The following PPM1A variants were observed in gnomAD, a reference collection of about 807,000 sequenced individuals.
The protein encoded by PPM1A is protein phosphatase 1A.
In PPM1A, 7 loss-of-function variants were observed where a neutral mutation model predicts 35.0. That is an observed-to-expected ratio of 0.20 (90% CI 0.11 to 0.38). The LOEUF (loss-of-function observed/expected upper bound fraction) is 0.38. Ranked by LOEUF, PPM1A falls within the 10% of genes least tolerant of loss-of-function variation. PPM1A has a pLI of 1.00. For missense variants in PPM1A, 239 were observed against 467.8 expected (o/e 0.51, Z 4.51); for synonymous variants, 153 against 167.3 (o/e 0.91, Z 0.66).
chr14:60,285,445 G>T (rs1886898885), intron 2 of PPM1A, among the ~76,000 whole-genome samples, 179 bp from the exon 3 acceptor site: 1 of 149,714 alleles, frequency 6.7e-6, no homozygotes, highest in South Asian at 2.1e-4. Flanking sequence ...ACTGTTCGGG[G>T]GAGGGGGAGT....
At chr14:60,246,071 G>T, upstream of PPM1A, 1 of 1,549,400 alleles carries the variant, frequency 6.5e-7, no homozygotes, top group Non-Finnish European at 8.7e-7. Flanking sequence ...AGGAATTGTT[G>T]AACCTATGTT....
intron 1 of PPM1A, among the ~76,000 whole-genome samples, chr14:60,280,937 G>C (rs2139520317): frequency 6.6e-6 from 1 of 152,262 alleles, no homozygotes; most frequent in South Asian, 2.1e-4. Context: ...ACGCAGACTT[G>C]AATCAGAGCC....
At position 60,249,435 on chromosome 14, in the gene PPM1A, C is replaced by T. The variant is rs1882047622; in HGVS notation, c.-263C>T. ...GGCTCTTCCTCCTCCTTCTCCGGGA[C>T]CCGCTCTCTGCCTCCCTCTCCAACG... On this transcript the variant is annotated 5_prime_UTR_variant, in exon 1 of 6. Transcript: ENST00000395076. This position sits in a 1 kb window ranked among gnomAD's most constrained non-coding sequence, Gnocchi z 4.5. The T allele has an allele frequency of 4.1e-6, 4 of 985,030 alleles. No individual in the cohort carries two copies. The highest frequency in any genetic ancestry group is 4.8e-6 in the Non-Finnish European group (4 of 830,100). 61.0% of individuals were successfully genotyped at this position (985,030 alleles called of 1,614,324 possible). A position where few individuals can be genotyped will look rare whatever the true frequency, so the allele number is the denominator to read the frequency against.
chr14:60,295,238 A>G lies in PPM1A; in HGVS notation c.*2756A>G, dbSNP rs1251708651. 5.3e-5 allele frequency: 8 copies of G among 151,754 alleles called. No individual in the cohort carries two copies. Among genetic ancestry groups the G allele is most frequent in the Non-Finnish European group, 1.0e-4 (7 of 67,744 alleles). 9.4% of individuals were successfully genotyped at this position (151,754 alleles called of 1,614,324 possible). A position where few individuals can be genotyped will look rare whatever the true frequency, so the allele number is the denominator to read the frequency against. On this transcript the variant is annotated 3_prime_UTR_variant, in exon 6 of 6. Coordinates refer to ENST00000395076, the MANE Select transcript of PPM1A (RefSeq NM_021003.5). ...CAGGCTCTGTTTTACCCTAACATTA[A>G]AAAATTTCACTGATCTTTCTTTCAT...
chr14:60,245,795 G>C (rs1219263079), upstream of PPM1A: 1 of 1,478,078 alleles, frequency 6.8e-7, no homozygotes, highest in African/African-American at 1.4e-5. The surrounding 1 kb of genome is among the most constrained non-coding windows in gnomAD (Gnocchi z 4.2). Context: ...GGCCAGGGTA[G>C]GGGGCACACC....
rs1882026619 is a variant in PPM1A, at chr14:60,249,305, C to T, written c.-393C>T. ...AGCAGTGGTCTCGGCGCTCGTCCGG[C>T]CCGCAGCTTCGGGTCCTCAGGCGGC... On this transcript the variant is annotated 5_prime_UTR_variant, in exon 1 of 6. Coordinates refer to ENST00000395076, the MANE Select transcript of PPM1A (RefSeq NM_021003.5). This position sits in a 1 kb window ranked among gnomAD's most constrained non-coding sequence, Gnocchi z 4.5. 1 of 981,856 alleles carries T rather than the reference C, an allele frequency of 1.0e-6. No homozygotes were observed. The highest frequency in any genetic ancestry group is 1.2e-6 in the Non-Finnish European group (1 of 828,608). The allele number at this position is 981,856 out of a possible 1,614,324, so 60.8% of individuals were successfully genotyped here.
chr14:60,264,885 A>G (rs968733595), intron 1 of PPM1A, among the ~76,000 whole-genome samples: 1 of 151,694 alleles, frequency 6.6e-6, no homozygotes, highest in African/African-American at 2.4e-5. Flanking sequence ...TCTTCCTTTA[A>G]TGACTATTGT....
chr14:60,284,697 A>G (rs551978685), intron 2 of PPM1A, among the ~76,000 whole-genome samples: 2,074 of 115,308 alleles, frequency 0.018, 48 homozygotes, highest in African/African-American at 0.088. Context: ...ATATATATAT[A>G]TGTGTGTGTG....
rs1885404171 is a variant in PPM1A, at chr14:60,273,498, A to G, written c.-20-9186A>G. Among the ~76,000 whole-genome samples the G allele has an allele frequency of 6.6e-6, 1 of 152,190 alleles. No homozygotes were observed. The highest frequency in any genetic ancestry group is 1.5e-5 in the Non-Finnish European group (1 of 68,030). ...AGGGGCTTGACTTCCCAGGGCCTTCATGTGAGCCATATTAAGCAGTTATTT... is the reference window on the plus strand; with the variant it reads ...AGGGGCTTGACTTCCCAGGGCCTTCGTGTGAGCCATATTAAGCAGTTATTT... On this transcript the variant is annotated intron_variant, in intron 1 of 5. Transcript: ENST00000395076. The surrounding 1 kb of genome is among the most constrained non-coding windows in gnomAD (Gnocchi z 4.3).
At chr14:60,263,770 G>A (rs996992398) in intron 1 of PPM1A, among the ~76,000 whole-genome samples, 1 of 152,038 alleles carries the variant, frequency 6.6e-6, no homozygotes, top group Admixed American at 6.5e-5. Flanking sequence ...AAAATACCTT[G>A]TTGGGCATTT....
At position 60,293,871 on chromosome 14, in the gene PPM1A, AT is replaced by A. The variant is rs943983293; in HGVS notation, c.*1391del. The A allele has an allele frequency of 2.0e-5, 3 of 152,008 alleles. No homozygotes were observed. The highest frequency in any genetic ancestry group is 3.9e-4 in the East Asian group (2 of 5,194). The allele number at this position is 152,008 out of a possible 1,614,324, so 9.4% of individuals were successfully genotyped here. ...ATAACCTAATTTAATTTAGGCTTAAATTCCTCTGATTAAGCATGTGAAAGTA... is the reference window on the plus strand; with the variant it reads ...ATAACCTAATTTAATTTAGGCTTAAATCCTCTGATTAAGCATGTGAAAGTA... On this transcript the variant is annotated 3_prime_UTR_variant, in exon 6 of 6. Coordinates refer to ENST00000395076, the MANE Select transcript of PPM1A (RefSeq NM_021003.5). The surrounding 1 kb of genome is among the most constrained non-coding windows in gnomAD (Gnocchi z 4.0).
chr14:60,263,090 C>T (rs569418718), intron 1 of PPM1A, among the ~76,000 whole-genome samples: 11 of 152,112 alleles, frequency 7.2e-5, no homozygotes, highest in East Asian at 1.9e-4. Flanking sequence ...TGGTGGTGCA[C>T]GCCTGTAGTC....
Position 60,293,335 on chromosome 14 carries a change from C to T in PPM1A, c.*853C>T, listed in dbSNP as rs963831113. The stretch of plus-strand genomic sequence containing the variant: ...TCTGAATTCCATTTTATCAATAAAG[C>T]TTGATTTAACAAACAAGAAACTTAA... On this transcript the variant is annotated 3_prime_UTR_variant, in exon 6 of 6. Transcript: ENST00000395076. The surrounding 1 kb of genome is among the most constrained non-coding windows in gnomAD (Gnocchi z 4.0). The T allele has an allele frequency of 1.3e-5, 2 of 151,946 alleles. No individual in the cohort carries two copies. Among genetic ancestry groups the T allele is most frequent in the African/African-American group, 2.4e-5 (1 of 41,396 alleles). The allele number at this position is 151,946 out of a possible 1,614,324, so 9.4% of individuals were successfully genotyped here. A position where few individuals can be genotyped will look rare whatever the true frequency, so the allele number is the denominator to read the frequency against.
intron 1 of PPM1A, among the ~76,000 whole-genome samples, chr14:60,254,217 T>G (rs1404965318): frequency 6.6e-6 from 1 of 152,148 alleles, no homozygotes; most frequent in East Asian, 1.9e-4. Flanking sequence ...AGTAGAGAAT[T>G]TAGAAGACAT....
chr14:60,283,163 A>G lies in PPM1A; in HGVS notation c.460A>G (p.Asn154Asp). 1 of 1,614,246 alleles carries G rather than the reference A, an allele frequency of 6.2e-7. No individual in the cohort carries two copies. The highest frequency in any genetic ancestry group is 8.5e-7 in the Non-Finnish European group (1 of 1,180,050). Residue 154 changes from asparagine (N) to aspartate (D), a missense_variant, in exon 2 of 6, where the codon AAC (asparagine) becomes GAC (aspartate). Physicochemically the swap from Asn to Asp is conservative, Grantham distance 23. Transcript: ENST00000395076. This position sits in a 1 kb window ranked among gnomAD's most constrained non-coding sequence, Gnocchi z 6.3. ...AGACTCAAGAGGTTTACTTTGTAGG[A>G]ACAGGAAAGTTCATTTCTTCACACA... Reference protein sequence around the residue: ...CGDSRGLLCRNRKVHFFTQDH... With the variant: ...CGDSRGLLCRDRKVHFFTQDH...
rs975302583 is a variant in PPM1A, at chr14:60,292,832, C to T, written c.*350C>T. On this transcript the variant is annotated 3_prime_UTR_variant, in exon 6 of 6. Transcript: ENST00000395076. This position sits in a 1 kb window ranked among gnomAD's most constrained non-coding sequence, Gnocchi z 4.2. The stretch of plus-strand genomic sequence containing the variant: ...CTGCTTTAAATCACTATCAAAGTTA[C>T]AAGAAATGTTTGGCTTATTGTGTGA... 1 of 187,708 alleles carries T rather than the reference C, an allele frequency of 5.3e-6. No individual in the cohort carries two copies. The highest frequency in any genetic ancestry group is 2.3e-5 in the African/African-American group (1 of 42,584). The allele number at this position is 187,708 out of a possible 1,614,324, so 11.6% of individuals were successfully genotyped here. A position where few individuals can be genotyped will look rare whatever the true frequency, so the allele number is the denominator to read the frequency against.
chr14:60,264,825 C>G (rs1159485126), intron 1 of PPM1A, among the ~76,000 whole-genome samples: 1 of 152,022 alleles, frequency 6.6e-6, no homozygotes, highest in African/African-American at 2.4e-5. Context: ...TTCAGGCTGT[C>G]TCTCTAATAG....
chr14:60,280,226 G>A (rs1417076857), intron 1 of PPM1A, among the ~76,000 whole-genome samples: 1 of 152,090 alleles, frequency 6.6e-6, no homozygotes, highest in African/African-American at 2.4e-5. Context: ...GGCTGGTCTA[G>A]AACTCCTGAC....
chr14:60,283,210 G>T lies in PPM1A; in HGVS notation c.507G>T (p.Pro169=). 4 of 1,614,180 alleles carry T rather than the reference G, an allele frequency of 2.5e-6. No individual in the cohort carries two copies. The highest frequency in any genetic ancestry group is 1.3e-5 in the African/African-American group (1 of 75,040). Residue 169 remains proline, a synonymous_variant, in exon 2 of 6, where the codon CCG becomes CCT. Transcript: ENST00000395076. The surrounding 1 kb of genome is among the most constrained non-coding windows in gnomAD (Gnocchi z 6.3). ...FFTQDHKPSN[P]LEKERIQNAG... ...CACAAGATCACAAACCAAGTAATCCGCTGGAGAAAGAACGAATTCAGAATG... is the reference window on the plus strand; with the variant it reads ...CACAAGATCACAAACCAAGTAATCCTCTGGAGAAAGAACGAATTCAGAATG...
Sources: gnomAD v4.1 joint callset for allele counts (sites outside exome capture counted in the v4.1 genomes callset) on GRCh38, gnomAD v4.1.1 for gene constraint, Gnocchi (gnomAD v3.1) non-coding constraint, MANE v1.5 for transcripts, NCBI Gene and HGNC (gene_info 2026-07-23, HGNC 2026-07-21) for gene names.